Variants in RGS7 observed in about 807,000 individuals in gnomAD.
RGS7 encodes regulator of G protein signaling 7.
In RGS7, 27 loss-of-function variants were observed where a neutral mutation model predicts 81.1. The ratio of observed to expected loss-of-function variants is 0.33; its 90% CI spans 0.25 to 0.46. The LOEUF (loss-of-function observed/expected upper bound fraction) is 0.46. Among genes scored for constraint, RGS7 ranks in the 20% least tolerant of loss-of-function variants. RGS7 has a pLI of 1.00. For synonymous variants in RGS7, 208 were observed against 207.7 expected, an observed-to-expected ratio of 1.00 and a Z score of -0.01; for missense variants, 396 against 607.4, an observed-to-expected ratio of 0.65 and a Z score of 3.66.
At chr1:241,105,539 G>A (rs186473477) in intron 2 of RGS7, among the ~76,000 whole-genome samples, 70 of 152,234 alleles carry the variant, frequency 4.6e-4, no homozygotes, top group African/African-American at 1.6e-3. Flanking sequence ...TATTCAAGAG[G>A]GGCTGCCAGA....
chr1:241,210,211 G>A (rs1160133068), intron 2 of RGS7, among the ~76,000 whole-genome samples: 1 of 152,208 alleles, frequency 6.6e-6, no homozygotes, highest in East Asian at 1.9e-4. Context: ...GTGCAGTGGT[G>A]CTATCTTGGT....
chr1:241,123,580 G>A (rs945153149), intron 2 of RGS7, among the ~76,000 whole-genome samples: 2 of 152,060 alleles, frequency 1.3e-5, no homozygotes, highest in Non-Finnish European at 1.5e-5. Context: ...GAGAAACCCC[G>A]TCTCTACTAA....
At chr1:241,215,654 G>A (rs1395403142) in intron 2 of RGS7, among the ~76,000 whole-genome samples, 6 of 152,058 alleles carry the variant, frequency 3.9e-5, no homozygotes, top group Non-Finnish European at 8.8e-5. Flanking sequence ...TTTGGCCTCA[G>A]TTCTAGCCAC....
At chr1:240,821,942 G>A (rs1001439547) in intron 10 of RGS7, among the ~76,000 whole-genome samples, 1 of 152,158 alleles carries the variant, frequency 6.6e-6, no homozygotes, top group African/African-American at 2.4e-5. Context: ...TGTGACCTAG[G>A]ACCCCTCTAG....
chr1:241,238,544 T>C (rs1450824952), intron 2 of RGS7, among the ~76,000 whole-genome samples: 1 of 152,160 alleles, frequency 6.6e-6, no homozygotes, highest in Non-Finnish European at 1.5e-5. Context: ...TTTTTTCTTT[T>C]AAAATTTTTA....
chr1:241,334,524 G>A (rs1040414323), intron 2 of RGS7, among the ~76,000 whole-genome samples: 74 of 152,204 alleles, frequency 4.9e-4, no homozygotes, highest in African/African-American at 1.7e-3. Context: ...CTAATATCCC[G>A]CAGGGGCCCA....
In RGS7 at chr1:241,355,680, A is replaced by T. The variant is rs201314809; in HGVS notation, c.78+19T>A. 5.2e-4 allele frequency: 845 copies of T among 1,610,410 alleles called. No individual in the cohort carries two copies. The highest frequency in any genetic ancestry group is 6.9e-4 in the Non-Finnish European group (817 of 1,176,694). On this transcript the variant is annotated intron_variant, in intron 2 of 18. Coordinates refer to ENST00000440928, the MANE Select transcript of RGS7 (RefSeq NM_001364886.1). ...AGCCGGAAGTTTCCCGTTTTCCAAG[A>T]AACTGAAGACATTCTTACCTTTCTG...
chr1:241,030,602 C>T (rs2060038959), intron 3 of RGS7, among the ~76,000 whole-genome samples: 2 of 151,382 alleles, frequency 1.3e-5, no homozygotes, highest in African/African-American at 4.9e-5. Context: ...CTCTCTTTTC[C>T]TCTGTTACTC....
intron 3 of RGS7, among the ~76,000 whole-genome samples, chr1:241,049,687 TC>T (rs2061146980): frequency 1.3e-5 from 2 of 152,194 alleles, no homozygotes; most frequent in South Asian, 2.1e-4. Flanking sequence ...AACTAAGGGA[TC>T]TTCCTGTAAG....
rs115238923 is a variant in RGS7, at chr1:241,166,402, T to C, written c.79-67640A>G. 7.1e-3 allele frequency among the ~76,000 whole-genome samples: 1,087 copies of C among 152,076 alleles called. 20 individuals carry two copies. The highest frequency in any genetic ancestry group is 0.025 in the African/African-American group (1,053 of 41,466). ...ATTGAATCAATGACTCCGGAGTAGATCTGAGGTGCAGAGATGGCAGGAAGC... is the reference window on the plus strand; with the variant it reads ...ATTGAATCAATGACTCCGGAGTAGACCTGAGGTGCAGAGATGGCAGGAAGC... On this transcript the variant is annotated intron_variant, in intron 2 of 18. Coordinates refer to ENST00000440928, the MANE Select transcript of RGS7 (RefSeq NM_001364886.1).
chr1:241,306,739 G>A (rs1035735085), intron 2 of RGS7, among the ~76,000 whole-genome samples: 10 of 150,406 alleles, frequency 6.6e-5, no homozygotes, highest in African/African-American at 9.8e-5. Context: ...TTATGCACAC[G>A]TCCCCACACT....
intron 2 of RGS7, among the ~76,000 whole-genome samples, chr1:241,337,634 T>TGC (rs1338760284): frequency 1.3e-5 from 2 of 152,190 alleles, no homozygotes; most frequent in Admixed American, 6.5e-5. Flanking sequence ...GTTTCCAAAG[T>TGC]ATTTATTGCA....
At chr1:240,914,151 T>C (rs1050679169) in intron 6 of RGS7, among the ~76,000 whole-genome samples, 5 of 151,330 alleles carry the variant, frequency 3.3e-5, no homozygotes, top group Middle Eastern at 3.2e-3. Context: ...TCTGATCTTG[T>C]TCCAGGGCAC....
rs573252877 is a variant in RGS7 at position 241,218,516 on chromosome 1, C to T, written c.79-119754G>A. Reference sequence around the variant, plus strand: ...ATCGGGTTCACTCGGAGAAATGGCTCTCACACTTGAGCCTGTGTCAGAATC... The same window carrying T: ...ATCGGGTTCACTCGGAGAAATGGCTTTCACACTTGAGCCTGTGTCAGAATC... On this transcript the variant is annotated intron_variant, in intron 2 of 18. Coordinates refer to ENST00000440928, the MANE Select transcript of RGS7 (RefSeq NM_001364886.1). Among the ~76,000 whole-genome samples, 6 of 152,356 alleles carry T rather than the reference C, an allele frequency of 3.9e-5. No homozygotes were observed. The East Asian group carries it at 1.2e-3, about 29-fold the overall frequency.
chr1:241,090,015 G>GAC (rs2063776641), intron 3 of RGS7, among the ~76,000 whole-genome samples: 2 of 140,218 alleles, frequency 1.4e-5, no homozygotes, highest in African/African-American at 5.4e-5. Flanking sequence ...AAAAAAAAGA[G>GAC]AGAGAGAACA....
intron 2 of RGS7, among the ~76,000 whole-genome samples, chr1:241,244,291 G>C (rs2148161621): frequency 6.6e-6 from 1 of 152,190 alleles, no homozygotes; most frequent in East Asian, 1.9e-4. Context: ...CCAAAAAGTG[G>C]GCAAAGGATA....
intron 9 of RGS7, among the ~76,000 whole-genome samples, chr1:240,846,768 G>T (rs1335125005): frequency 6.6e-6 from 1 of 152,134 alleles, no homozygotes; most frequent in African/African-American, 2.4e-5. Flanking sequence ...CAAACATGAG[G>T]TTTTGACATG....
chr1:240,868,687 T>C lies in RGS7; in HGVS notation c.528-19A>G, dbSNP rs369072331. 6.4e-5 allele frequency: 103 copies of C among 1,613,110 alleles called. No homozygotes were observed. The highest frequency in any genetic ancestry group is 3.2e-4 in the Admixed American group (19 of 60,006). ...GTCCACTCTGTCAACACAGTAACAA[T>C]AGATAACATTTAGTATTAATTGTAG... On this transcript the variant is annotated intron_variant, in intron 8 of 18. Coordinates refer to ENST00000440928, the MANE Select transcript of RGS7 (RefSeq NM_001364886.1). This position sits in a 1 kb window ranked among gnomAD's most constrained non-coding sequence, Gnocchi z 5.1.
chr1:241,013,783 A>G (rs1016331819), intron 3 of RGS7, among the ~76,000 whole-genome samples: 4 of 152,258 alleles, frequency 2.6e-5, no homozygotes, highest in African/African-American at 9.6e-5. Context: ...CACAATGAGG[A>G]CATTACCTAT....
Sources: gnomAD v4.1 joint callset for allele counts (sites outside exome capture counted in the v4.1 genomes callset) on GRCh38, gnomAD v4.1.1 for gene constraint, Gnocchi (gnomAD v3.1) non-coding constraint, MANE v1.5 for transcripts, NCBI Gene and HGNC (gene_info 2026-07-23, HGNC 2026-07-21) for gene names.